The following TTC6 variants were observed in gnomAD, a reference collection of about 807,000 sequenced individuals.
TTC6 encodes tetratricopeptide repeat protein 6.
Under a neutral mutation model 210.4 loss-of-function variants are expected in TTC6, and 172 were observed. The observed-to-expected ratio is 0.82, with a 90% CI of 0.72 to 0.93. TTC6 has a LOEUF of 0.93. Among genes scored for constraint, TTC6 ranks in the 40% least tolerant of loss-of-function variants. TTC6 has a pLI of 0.00. For missense variants in TTC6, 2,414 were observed against 2,318.1 expected, an observed-to-expected ratio of 1.04 and a Z score of -0.85; for synonymous variants, 804 against 819.6, an observed-to-expected ratio of 0.98 and a Z score of 0.32.
At chr14:37,800,529 C>T (rs1185126709) in intron 20 of TTC6, among the ~76,000 whole-genome samples, 2 of 152,138 alleles carry the variant, frequency 1.3e-5, no homozygotes, top group African/African-American at 2.4e-5. Context: ...GGCCGGACAA[C>T]ACTTTGCTAA....
intron 6 of TTC6, among the ~76,000 whole-genome samples, chr14:37,718,891 T>G (rs1452139308): frequency 1.3e-5 from 2 of 152,118 alleles, no homozygotes; most frequent in Non-Finnish European, 2.9e-5. Flanking sequence ...TGAGCCGTGA[T>G]CATGCACTCC....
Position 37,606,986 on chromosome 14 carries a change from C to T in TTC6, c.-155+244C>T, listed in dbSNP as rs559688047. Among the ~76,000 whole-genome samples, 4 of 152,274 alleles carry T rather than the reference C, an allele frequency of 2.6e-5. No individual in the cohort carries two copies. In the East Asian group the frequency reaches 7.7e-4, roughly 29 times the overall value. ...GACATAATTGTTAAAGTAACTGATGCTAAAATAAAATATTGATAGTATCAA... is the reference window on the plus strand; with the variant it reads ...GACATAATTGTTAAAGTAACTGATGTTAAAATAAAATATTGATAGTATCAA... On this transcript the variant is annotated intron_variant, in intron 2 of 2. Coordinates refer to the TTC6 transcript ENST00000556845.
chr14:37,696,659 A>T, intron 3 of TTC6, 58 bp from the exon 6 acceptor site: 1 of 798,688 alleles, frequency 1.3e-6, no homozygotes, highest in South Asian at 2.7e-5. Flanking sequence ...ATATGAGAGA[A>T]AGATCTAACT....
chr14:37,790,887 A>T, intron 16 of TTC6, 50 bp downstream of exon 18: 1 of 1,464,768 alleles, frequency 6.8e-7, no homozygotes, highest in South Asian at 1.3e-5. Context: ...AAAAAATCGA[A>T]AACCTGAAAT....
Position 37,737,715 on chromosome 14 carries a change from C to T in TTC6, c.1964C>T (p.Ala655Val), listed in dbSNP as rs1331877700. ...GAAAGTATCCAAAAATGGTTTAGTG[C>T]ACAACCTACACAACTAAGGGTATTA... Residue 655 changes from alanine (A) to valine (V), a missense_variant, in exon 9 of 31, where the codon GCA becomes GTA. Transcript: ENST00000553443. The T allele has an allele frequency of 3.3e-6, 5 of 1,513,802 alleles. No homozygotes were observed. In the Admixed American group the frequency reaches 8.0e-5, roughly 24 times the overall value. 93.8% of individuals were successfully genotyped at this position (1,513,802 alleles called of 1,614,324 possible). A position where few individuals can be genotyped will look rare whatever the true frequency, so the allele number is the denominator to read the frequency against.
At chr14:37,640,375 T>C (rs1384186928) in intron 1 of TTC6, among the ~76,000 whole-genome samples, 2 of 152,202 alleles carry the variant, frequency 1.3e-5, no homozygotes, top group Non-Finnish European at 2.9e-5. Flanking sequence ...GCAGATGAGA[T>C]AAAGTGAATA....
chr14:37,675,388 T>C (rs888130574), intron 1 of TTC6, among the ~76,000 whole-genome samples: 3 of 152,140 alleles, frequency 2.0e-5, no homozygotes, highest in Non-Finnish European at 4.4e-5. Flanking sequence ...TCCAACATCG[T>C]GGCATACATC....
intron 18 of TTC6, 83 bp downstream of exon 20, chr14:37,795,435 C>A: frequency 1.2e-6 from 1 of 822,416 alleles, no homozygotes; most frequent in Non-Finnish European, 1.8e-6. Flanking sequence ...CCTCTTGAAC[C>A]TTTCAGGCTC....
chr14:37,732,986 G>A (rs530531844), intron 7 of TTC6, among the ~76,000 whole-genome samples: 1 of 152,278 alleles, frequency 6.6e-6, no homozygotes, highest in African/African-American at 2.4e-5. Context: ...GGTGGCAGAG[G>A]TGGAAGAAAA....
intron 14 of TTC6, among the ~76,000 whole-genome samples, chr14:37,753,899 CTATTG>C (rs1419553561): frequency 1.3e-5 from 2 of 151,274 alleles, no homozygotes; most frequent in South Asian, 2.1e-4. Context: ...TTTCATTATC[CTATTG>C]TATTGTATAT....
chr14:37,659,585 T>C, intron 1 of TTC6, among the ~76,000 whole-genome samples: 1 of 152,058 alleles, frequency 6.6e-6, no homozygotes, highest in Non-Finnish European at 1.5e-5. Context: ...TGGAGTGCAA[T>C]GGCACAATCT....
At chr14:37,724,361 T>A (rs2095867502) in intron 6 of TTC6, among the ~76,000 whole-genome samples, 1 of 152,162 alleles carries the variant, frequency 6.6e-6, no homozygotes, top group Non-Finnish European at 1.5e-5. Context: ...TGACATAGTT[T>A]TATATGATTC....
intron 29 of TTC6, among the ~76,000 whole-genome samples, chr14:37,829,375 C>CT (rs904163424): frequency 1.5e-4 from 23 of 150,788 alleles, no homozygotes; most frequent in Non-Finnish European, 1.0e-4. Flanking sequence ...TATTTTTTGG[C>CT]TTTTTTTCAG....
chr14:37,769,209 T>G (rs1181955570), intron 14 of TTC6, among the ~76,000 whole-genome samples: 3 of 151,874 alleles, frequency 2.0e-5, no homozygotes, highest in East Asian at 1.9e-4. Context: ...TTTGCCAGTA[T>G]TTTATTGAGG....
chr14:37,657,349 T>TAAA (rs34169689), intron 1 of TTC6, among the ~76,000 whole-genome samples: 1 of 139,410 alleles, frequency 7.2e-6, no homozygotes, highest in African/African-American at 2.7e-5. Flanking sequence ...GCTTTCTATT[T>TAAA]AAAAAAAAAA....
chr14:37,835,494 T>C (rs942877423), intron 29 of TTC6, among the ~76,000 whole-genome samples: 1 of 152,140 alleles, frequency 6.6e-6, no homozygotes, highest in Admixed American at 6.6e-5. Flanking sequence ...GATGTGGCCC[T>C]TGATGGGAGC....
chr14:37,651,388 TA>T (rs1312606806), intron 1 of TTC6, among the ~76,000 whole-genome samples: 12 of 17,610 alleles, frequency 6.8e-4, no homozygotes, highest in Non-Finnish European at 1.1e-3. Flanking sequence ...CTGTTTATGT[TA>T]TATATATATA....
intron 14 of TTC6, among the ~76,000 whole-genome samples, chr14:37,754,113 T>A (rs951042330): frequency 2.0e-5 from 3 of 152,170 alleles, no homozygotes; most frequent in Admixed American, 6.5e-5. Context: ...CTGGGATACA[T>A]GTGCAGAACG....
chr14:37,802,071 T>C (rs2096107917), intron 20 of TTC6: 1 of 151,998 alleles, frequency 6.6e-6, no homozygotes, highest in Non-Finnish European at 1.5e-5. Context: ...GCATAAAAAG[T>C]AATGAGATCA....
Sources: gnomAD v4.1 joint callset for allele counts (sites outside exome capture counted in the v4.1 genomes callset) on GRCh38, gnomAD v4.1.1 for gene constraint, MANE v1.5 for transcripts, NCBI Gene and HGNC (gene_info 2026-07-23, HGNC 2026-07-21) for gene names.